Variants in OPCML observed in about 807,000 individuals in gnomAD.
The protein encoded by OPCML is opioid-binding protein/cell adhesion molecule.
OPCML carries 13 observed loss-of-function variants against 37.8 expected under a neutral mutation model. That is an observed-to-expected ratio of 0.34 (90% confidence interval 0.22 to 0.55). OPCML has a LOEUF of 0.55. OPCML is among the 20% of genes least tolerant of loss of function. OPCML has a pLI of 0.91. For missense variants in OPCML, 341 were observed against 435.6 expected (o/e 0.78, Z 1.93); for synonymous variants, 176 against 168.8 (o/e 1.04, Z -0.33).
chr11:132,937,989 T>A (rs924505676), intron 2 of OPCML, among the ~76,000 whole-genome samples: 1 of 151,850 alleles, frequency 6.6e-6, no homozygotes, highest in Non-Finnish European at 1.5e-5. Flanking sequence ...CTCTGGCAAG[T>A]GATTTGAGTG....
At chr11:133,393,669 C>T (rs1592261086) in intron 1 of OPCML, among the ~76,000 whole-genome samples, 2 of 152,288 alleles carry the variant, frequency 1.3e-5, no homozygotes, top group Middle Eastern at 3.4e-3. Context: ...TCTCCAGTAT[C>T]CCTCATCCAG....
intron 2 of OPCML, among the ~76,000 whole-genome samples, chr11:132,831,495 G>T (rs980838454): frequency 2.6e-5 from 4 of 152,082 alleles, no homozygotes; most frequent in Non-Finnish European, 4.4e-5. Flanking sequence ...AATCAGTCTT[G>T]CTTCATCAGA....
chr11:132,484,412 G>C (rs1204638457), intron 4 of OPCML, among the ~76,000 whole-genome samples: 1 of 152,198 alleles, frequency 6.6e-6, no homozygotes, highest in Non-Finnish European at 1.5e-5. Flanking sequence ...AAAAAGTCAG[G>C]AAACAACAGG....
intron 1 of OPCML, among the ~76,000 whole-genome samples, chr11:133,186,825 G>A (rs1482124874): frequency 6.6e-6 from 1 of 152,176 alleles, no homozygotes; most frequent in Non-Finnish European, 1.5e-5. Flanking sequence ...GCTCAGTGTG[G>A]GCAAAGTTTT....
At chr11:132,517,662 AG>A (rs1231169881) in intron 4 of OPCML, among the ~76,000 whole-genome samples, 3 of 152,222 alleles carry the variant, frequency 2.0e-5, no homozygotes, top group Non-Finnish European at 4.4e-5. Flanking sequence ...AATTTGATAT[AG>A]CAATTGCATA....
rs979412700 is a variant in OPCML at position 132,655,039 on chromosome 11, G to A, written c.379+2048C>T. On this transcript the variant is annotated intron_variant, in intron 3 of 7. Coordinates refer to ENST00000524381, the MANE Select transcript of OPCML (RefSeq NM_001012393.5). ...GCTGCCACATCCCACCCAAGGGATCGCTCAGCATGTGTTATGGAGAACATC... is the reference window on the plus strand; with the variant it reads ...GCTGCCACATCCCACCCAAGGGATCACTCAGCATGTGTTATGGAGAACATC... Among the ~76,000 whole-genome samples, 5 of 152,318 alleles carry A rather than the reference G, an allele frequency of 3.3e-5. 1 individual carries two copies. Among genetic ancestry groups the A allele is most frequent in the East Asian group, 3.9e-4 (2 of 5,170 alleles).
At chr11:132,696,882 G>A (rs1005173847) in intron 2 of OPCML, among the ~76,000 whole-genome samples, 1 of 152,086 alleles carries the variant, frequency 6.6e-6, no homozygotes, top group African/African-American at 2.4e-5. Flanking sequence ...ACAAATTATA[G>A]GCTGAATACC....
rs572253968 is a variant in OPCML at position 132,795,464 on chromosome 11, A to C, written c.147-138145T>G. ...CCACAATAAGTTTTAGAACATTTCC[A>C]TATTCCCAAAGTGAAATCTCATGCC... is the stretch of plus-strand genomic sequence containing the variant. On this transcript the variant is annotated intron_variant, in intron 2 of 7. Transcript: ENST00000524381. Among the ~76,000 whole-genome samples the C allele has an allele frequency of 3.3e-4, 50 of 152,340 alleles. No homozygotes were observed. In the South Asian group the frequency reaches 9.3e-3, roughly 28 times the overall value.
At chr11:133,004,514 C>T in intron 1 of OPCML, 1 of 985,436 alleles carries the variant, frequency 1.0e-6, no homozygotes, top group Non-Finnish European at 1.2e-6. Context: ...TGCAGACGAC[C>T]GAGGTCGGCC....
At chr11:132,528,169 C>T (rs1213501171) in intron 4 of OPCML, among the ~76,000 whole-genome samples, 1 of 152,070 alleles carries the variant, frequency 6.6e-6, no homozygotes, top group Non-Finnish European at 1.5e-5. Context: ...ACGGTTAGGG[C>T]TTTTCTTGTC....
chr11:132,481,595 C>A (rs1167296555), intron 4 of OPCML, among the ~76,000 whole-genome samples: 1 of 151,380 alleles, frequency 6.6e-6, no homozygotes, highest in Non-Finnish European at 1.5e-5. Context: ...GAACTCTCCA[C>A]CCCAAATCAA....
At chr11:133,426,281 C>T (rs1946000544) in intron 1 of OPCML, among the ~76,000 whole-genome samples, 1 of 152,232 alleles carries the variant, frequency 6.6e-6, no homozygotes, top group East Asian at 1.9e-4. Context: ...GGAAACATTT[C>T]AGTAGCAGAT....
intron 3 of OPCML, among the ~76,000 whole-genome samples, chr11:132,620,743 A>C (rs1450314093): frequency 1.3e-5 from 2 of 152,192 alleles, no homozygotes; most frequent in Non-Finnish European, 2.9e-5. Context: ...GCTCTCTCTC[A>C]TCTCATGTCC....
chr11:133,256,998 T>G (rs1037846699), intron 1 of OPCML, among the ~76,000 whole-genome samples: 1 of 152,160 alleles, frequency 6.6e-6, no homozygotes, highest in African/African-American at 2.4e-5. Flanking sequence ...CGATTTACAG[T>G]GTTTGCTGAT....
At chr11:132,960,220 T>C (rs1424714501) in intron 1 of OPCML, among the ~76,000 whole-genome samples, 1 of 152,188 alleles carries the variant, frequency 6.6e-6, no homozygotes, top group Non-Finnish European at 1.5e-5. Flanking sequence ...CCAATAACCG[T>C]AACTTTACGT....
intron 1 of OPCML, chr11:133,026,493 T>G (rs1034673417): frequency 1.0e-6 from 1 of 985,380 alleles, no homozygotes; most frequent in African/African-American, 1.7e-5. Flanking sequence ...ACGCAGTAGG[T>G]TTTGTCCTGC....
chr11:132,750,926 CTA>C (rs1371893499), intron 2 of OPCML, among the ~76,000 whole-genome samples: 1 of 151,914 alleles, frequency 6.6e-6, no homozygotes, highest in Non-Finnish European at 1.5e-5. Flanking sequence ...GGTATATTTT[CTA>C]TGTTTCTGAA....
intron 1 of OPCML, among the ~76,000 whole-genome samples, chr11:133,348,241 A>G (rs946662767): frequency 1.3e-5 from 2 of 152,174 alleles, no homozygotes; most frequent in African/African-American, 4.8e-5. Flanking sequence ...AACGAGAGCC[A>G]TTGATTCACC....
chr11:132,594,982 T>C (rs1175264371), intron 3 of OPCML, among the ~76,000 whole-genome samples: 1 of 152,240 alleles, frequency 6.6e-6, no homozygotes, highest in Admixed American at 6.5e-5. Context: ...CAAAATTAAA[T>C]CAAAATTTTA....
Sources: allele counts gnomAD v4.1 joint callset (sites outside exome capture counted in the v4.1 genomes callset), GRCh38; gene constraint gnomAD v4.1.1; transcripts MANE v1.5; gene names NCBI Gene and HGNC (gene_info 2026-07-23, HGNC 2026-07-21).